ATRN: variants seen among roughly 807,000 people sequenced by gnomAD.
ATRN encodes the protein attractin, also known as attractin-2.
In ATRN, 54 loss-of-function variants were observed where a neutral mutation model predicts 178.7. The observed-to-expected ratio is 0.30, with a 90% confidence interval of 0.24 to 0.38. The LOEUF is 0.38. Among genes scored for constraint, ATRN ranks in the 10% least tolerant of loss-of-function variants. The pLI, the probability that ATRN is intolerant of heterozygous loss-of-function variation, is 1.00. For missense variants in ATRN, 1,443 were observed against 1,815.1 expected (o/e 0.79, Z 3.73); for synonymous variants, 636 against 663.0 (o/e 0.96, Z 0.63).
intron 1 of ATRN, among the ~76,000 whole-genome samples, chr20:3,512,107 A>ATATATATATATTTTT: frequency 8.5e-5 from 9 of 106,388 alleles, no homozygotes; most frequent in African/African-American, 1.3e-4. Context: ...ATATATATAT[A>ATATATATATATTTTT]TTTTTTTTTT....
intron 1 of ATRN, among the ~76,000 whole-genome samples, chr20:3,503,590 GA>G (rs201047690): frequency 6.6e-6 from 1 of 151,512 alleles, no homozygotes; most frequent in Admixed American, 6.6e-5. Context: ...AAAACAACAG[GA>G]AAAAAAATGC....
chr20:3,539,471 CAGAAAGAGAAACAG>C (rs1343244076), intron 2 of ATRN, among the ~76,000 whole-genome samples: 1 of 82,518 alleles, frequency 1.2e-5, no homozygotes, highest in Non-Finnish European at 2.8e-5. Flanking sequence ...ACTTGAGAAA[CAGAAAGAGAAACAG>C]AAAGAGAATT....
intron 24 of ATRN, among the ~76,000 whole-genome samples, chr20:3,622,817 G>T (rs910039891): frequency 1.3e-5 from 2 of 152,308 alleles, no homozygotes; most frequent in African/African-American, 4.8e-5. Flanking sequence ...GGTTCTTTAT[G>T]ATTATAATTT....
intron 23 of ATRN, among the ~76,000 whole-genome samples, chr20:3,603,492 T>C (rs2086639309): frequency 6.6e-6 from 1 of 151,368 alleles, no homozygotes; most frequent in African/African-American, 2.4e-5. Flanking sequence ...TTTCTTTCTT[T>C]CTTTTTTTTT....
chr20:3,549,465 G>A (rs556664653), intron 6 of ATRN, 127 bp downstream of exon 6: 18 of 832,756 alleles, frequency 2.2e-5, no homozygotes, highest in African/African-American at 5.4e-5. Flanking sequence ...TAATATTTTG[G>A]TAGTAGTCTT....
intron 7 of ATRN, among the ~76,000 whole-genome samples, chr20:3,560,076 A>G (rs1326055147): frequency 2.6e-5 from 4 of 151,864 alleles, no homozygotes; most frequent in Non-Finnish European, 5.9e-5. Flanking sequence ...TAATGGTACC[A>G]TCTTTACCAT....
chr20:3,544,734 C>T (rs913348828), intron 3 of ATRN, among the ~76,000 whole-genome samples: 3 of 151,836 alleles, frequency 2.0e-5, no homozygotes, highest in African/African-American at 7.3e-5. Context: ...TGTATTGATA[C>T]GATTTCAAAT....
intron 1 of ATRN, among the ~76,000 whole-genome samples, chr20:3,478,260 T>C (rs1173763547): frequency 1.3e-5 from 2 of 152,176 alleles, no homozygotes; most frequent in Non-Finnish European, 2.9e-5. Flanking sequence ...GTATGTTTAT[T>C]GCAGCACTAT....
At chr20:3,497,698 A>C (rs1406700028) in intron 1 of ATRN, among the ~76,000 whole-genome samples, 1 of 151,990 alleles carries the variant, frequency 6.6e-6, no homozygotes, top group Non-Finnish European at 1.5e-5. Flanking sequence ...CCTGAATCTG[A>C]ATGTTGGCCT....
intron 24 of ATRN, among the ~76,000 whole-genome samples, chr20:3,606,726 G>A (rs1186252752): frequency 6.6e-6 from 1 of 152,160 alleles, no homozygotes; most frequent in Admixed American, 6.5e-5. Context: ...TACTTTACAC[G>A]TTGTTGGATT....
At chr20:3,538,624 C>G (rs1026633701) in intron 2 of ATRN, among the ~76,000 whole-genome samples, 1 of 152,174 alleles carries the variant, frequency 6.6e-6, no homozygotes, top group African/African-American at 2.4e-5. Flanking sequence ...TCTCATTCCC[C>G]CTTTTCCTTA....
At position 3,471,297 on chromosome 20, in the gene ATRN, C is replaced by G; in HGVS notation, c.190C>G (p.Leu64Val). Residue 64 changes from leucine to valine, a missense_variant, in exon 1 of 29, where the codon CTG (leucine) becomes GTG (valine). By Grantham distance (32) the Leu-to-Val change is conservative. This residue lies in a region of ATRN where 862 missense variants were observed against 972.1 expected (regional missense o/e 0.89). Coordinates refer to ENST00000262919, the MANE Select transcript of ATRN (RefSeq NM_139321.3). ...ACCGCTGCGGCCACGGCTGCTGCTGCTGCTGTTGTTGCTCTCGCCGCCGCT... is the reference window on the plus strand; with the variant it reads ...ACCGCTGCGGCCACGGCTGCTGCTGGTGCTGTTGTTGCTCTCGCCGCCGCT... ...SPPLRPRLLL[L>V]LLLLSPPLLL... The G allele has an allele frequency of 6.8e-7, 1 of 1,479,350 alleles. No homozygotes were observed. The highest frequency in any genetic ancestry group is 8.9e-7 in the Non-Finnish European group (1 of 1,124,190). The allele number at this position is 1,479,350 out of a possible 1,614,324, so 91.6% of individuals were successfully genotyped here. A position where few individuals can be genotyped will look rare whatever the true frequency, so the allele number is the denominator to read the frequency against.
At chr20:3,570,229 C>T (rs6107313) in intron 11 of ATRN, among the ~76,000 whole-genome samples, 7,251 of 152,100 alleles carry the variant, frequency 0.048, 523 homozygotes, top group African/African-American at 0.16. Context: ...TGAAGTTTCT[C>T]TTGATCTGTA....
At chr20:3,503,289 A>T (rs192216518) in intron 1 of ATRN, among the ~76,000 whole-genome samples, 1 of 152,352 alleles carries the variant, frequency 6.6e-6, no homozygotes, top group East Asian at 1.9e-4. Flanking sequence ...GAGACTTCTA[A>T]CATAATAGAC....
intron 24 of ATRN, among the ~76,000 whole-genome samples, chr20:3,607,225 A>T (rs551223400): frequency 1.2e-3 from 181 of 152,318 alleles, no homozygotes; most frequent in African/African-American, 4.1e-3. Context: ...CACCTCAAAC[A>T]TTTATCATTT....
At chr20:3,504,621 G>A (rs1449588694) in intron 1 of ATRN, among the ~76,000 whole-genome samples, 1 of 150,416 alleles carries the variant, frequency 6.6e-6, no homozygotes. Flanking sequence ...GGAGGGGGAG[G>A]TTGCAGTGAG....
chr20:3,593,196 A>G (rs756687496), intron 19 of ATRN, among the ~76,000 whole-genome samples: 3 of 151,962 alleles, frequency 2.0e-5, no homozygotes, highest in Non-Finnish European at 4.4e-5. Flanking sequence ...TGCTATCTAG[A>G]AGCATCACAT....
intron 1 of ATRN, among the ~76,000 whole-genome samples, chr20:3,511,158 A>C (rs1568697049): frequency 6.6e-6 from 1 of 152,218 alleles, no homozygotes; most frequent in East Asian, 1.9e-4. Flanking sequence ...TAAAAAAGAA[A>C]GGTGAATATC....
chr20:3,581,701 G>A (rs1000654487), intron 15 of ATRN, among the ~76,000 whole-genome samples: 2 of 152,152 alleles, frequency 1.3e-5, no homozygotes, highest in Non-Finnish European at 2.9e-5. Flanking sequence ...GCCTGTGTTT[G>A]GGGGTAGCCA....
Sources: gnomAD v4.1 joint callset for allele counts (sites outside exome capture counted in the v4.1 genomes callset) on GRCh38, gnomAD v4.1.1 for gene constraint, gnomAD v4.1.1 regional missense constraint, MANE v1.5 for transcripts, NCBI Gene and HGNC (gene_info 2026-07-23, HGNC 2026-07-21) for gene names.